KSR1: variants seen among roughly 807,000 people sequenced by gnomAD.
KSR1 encodes kinase suppressor of ras.
In KSR1, 35 loss-of-function variants were observed where a neutral mutation model predicts 92.9. That is an observed-to-expected ratio of 0.38 (90% confidence interval 0.29 to 0.50). The LOEUF (loss-of-function observed/expected upper bound fraction) is 0.50, where lower values mean the gene tolerates loss of function less well. Ranked by LOEUF, KSR1 falls within the 20% of genes least tolerant of loss-of-function variation. The pLI is 0.94. For synonymous variants in KSR1, 467 were observed against 472.6 expected (o/e 0.99, Z 0.15); for missense variants, 972 against 1,158.5 (o/e 0.84, Z 2.34).
chr17:27,601,872 C>T lies in KSR1; in HGVS notation c.1510+471C>T, dbSNP rs561649635. ...CGGGCTTCTCTTAGTGGGCTTCACC[C>T]TTCTGTGCCTTACCACACAGTGCCA... is the stretch of plus-strand genomic sequence containing the variant. On this transcript the variant is annotated intron_variant, in intron 11 of 20. Coordinates refer to ENST00000644974, the MANE Select transcript of KSR1 (RefSeq NM_001394583.1). The T allele has an allele frequency of 3.4e-5, 55 of 1,597,174 alleles. No homozygotes were observed. The South Asian group carries it at 5.7e-4, about 16-fold the overall frequency.
chr17:27,605,450 C>T lies in KSR1; in HGVS notation c.1631C>T (p.Ala544Val), dbSNP rs2073717543. The T allele has an allele frequency of 1.2e-6, 2 of 1,609,818 alleles. No individual in the cohort carries two copies. Among genetic ancestry groups the T allele is most frequent in the African/African-American group, 1.3e-5 (1 of 74,880 alleles). ...AHEAEAEEPE[A>V]GKSEAEDDED... The stretch of plus-strand genomic sequence containing the variant: ...TCCTTTCAGGCTGAGGAGCCAGAGG[C>T]TGGCAAGTCAGAGGCAGAAGACGAT... Residue 544 changes from alanine (A) to valine (V), a missense_variant, in exon 14 of 21, where the codon GCT becomes GTT. Physicochemically the swap from Ala to Val is moderately conservative, Grantham distance 64 (BLOSUM62 0). Coordinates refer to ENST00000644974, the MANE Select transcript of KSR1 (RefSeq NM_001394583.1).
intron 12 of KSR1, among the ~76,000 whole-genome samples, chr17:27,604,092 C>T (rs756314237): frequency 3.9e-4 from 59 of 152,032 alleles, no homozygotes; most frequent in Admixed American, 2.4e-3. Flanking sequence ...TGGGTGGGGC[C>T]GCATGTGAAA....
chr17:27,594,482 C>A lies in KSR1; in HGVS notation c.1299+1856C>A, dbSNP rs567821163. ...ATCTCCACCCACCTGGACACCACCC[C>A]TCAGCCCTCCTCACAGCACTCTCTC... On this transcript the variant is annotated intron_variant, in intron 9 of 20. Transcript: ENST00000644974. 3.3e-5 allele frequency among the ~76,000 whole-genome samples: 5 copies of A among 152,194 alleles called. No homozygotes were observed. The East Asian group carries it at 5.8e-4, about 18-fold the overall frequency.
At chr17:27,588,302 C>T (rs2073042658) in intron 5 of KSR1, 173 bp from the exon 6 acceptor site, 4 of 461,472 alleles carry the variant, frequency 8.7e-6, no homozygotes, top group African/African-American at 2.0e-5. Flanking sequence ...CCACACCATG[C>T]CACTGGGCTA....
chr17:27,461,939 C>T (rs945915565), intron 1 of KSR1, among the ~76,000 whole-genome samples: 4 of 129,478 alleles, frequency 3.1e-5, no homozygotes, highest in African/African-American at 1.1e-4. Flanking sequence ...CGGGGAGAAG[C>T]AGCAAAGCCT....
At chr17:27,485,180 T>C (rs1046349820) in intron 1 of KSR1, among the ~76,000 whole-genome samples, 2 of 152,216 alleles carry the variant, frequency 1.3e-5, no homozygotes, top group African/African-American at 4.8e-5. Context: ...ATGCCCACCC[T>C]GGACTGTTCT....
Position 27,555,511 on chromosome 17 carries a change from CGTGTGTGTGT to C in KSR1, c.372+4820_372+4829del, listed in dbSNP as rs71359222. ...TTGCCCATCCTTCAGTTTTGTTTGGCGTGTGTGTGTGTGTGTGTGTGTGTGTAGCACTTCC... is the reference window on the plus strand; with the variant it reads ...TTGCCCATCCTTCAGTTTTGTTTGGCGTGTGTGTGTGTGTGTAGCACTTCC... On this transcript the variant is annotated intron_variant, in intron 2 of 20. Coordinates refer to ENST00000644974, the MANE Select transcript of KSR1 (RefSeq NM_001394583.1). Among the ~76,000 whole-genome samples, 605 of 150,202 alleles carry C rather than the reference CGTGTGTGTGT, an allele frequency of 4.0e-3. 5 individuals carry two copies. The highest frequency in any genetic ancestry group is 0.013 in the African/African-American group (539 of 40,762).
At chr17:27,566,296 A>G (rs2151127522) in intron 2 of KSR1, 1 of 392,644 alleles carries the variant, frequency 2.5e-6, no homozygotes, top group Non-Finnish European at 4.5e-6. Flanking sequence ...CCCGGGAAGT[A>G]TGTGCTGACT....
chr17:27,568,059 G>T (rs2072156837), intron 2 of KSR1, among the ~76,000 whole-genome samples: 1 of 152,216 alleles, frequency 6.6e-6, no homozygotes, highest in Admixed American at 6.5e-5. Context: ...CTCTGTTGAG[G>T]TCCCATAGCT....
chr17:27,539,775 A>G (rs1263101840), intron 1 of KSR1, among the ~76,000 whole-genome samples: 1 of 152,230 alleles, frequency 6.6e-6, no homozygotes, highest in East Asian at 1.9e-4. Flanking sequence ...GGGGGGTTAC[A>G]TCAATTGAGG....
chr17:27,555,056 C>CCT (rs2071539585), intron 2 of KSR1, among the ~76,000 whole-genome samples: 1 of 152,176 alleles, frequency 6.6e-6, no homozygotes, highest in South Asian at 2.1e-4. Flanking sequence ...CCTTTACTGT[C>CCT]CTCTCTCTTT....
intron 1 of KSR1, among the ~76,000 whole-genome samples, chr17:27,505,793 T>A (rs2069358149): frequency 6.6e-6 from 1 of 152,246 alleles, no homozygotes; most frequent in Non-Finnish European, 1.5e-5. Context: ...GGTATTGGTG[T>A]CACCAAGGGG....
In KSR1 at chr17:27,626,213, C is replaced by T. The variant is rs2074336972; in HGVS notation, c.*2821C>T. 6.6e-6 allele frequency: 1 copy of T among 152,226 alleles called. No individual in the cohort carries two copies. The highest frequency in any genetic ancestry group is 1.5e-5 in the Non-Finnish European group (1 of 68,048). The allele number at this position is 152,226 out of a possible 1,614,324, so 9.4% of individuals were successfully genotyped here. ...CCTAGCATCTTCTGTGGCCACAAGC[C>T]ACACACTTGCTTTTTTTGAATGTGA... is the stretch of plus-strand genomic sequence containing the variant. On this transcript the variant is annotated 3_prime_UTR_variant, in exon 21 of 21. Coordinates refer to ENST00000644974, the MANE Select transcript of KSR1 (RefSeq NM_001394583.1).
intron 10 of KSR1, among the ~76,000 whole-genome samples, chr17:27,601,126 C>T (rs1036382236): frequency 4.6e-5 from 7 of 152,334 alleles, no homozygotes; most frequent in East Asian, 1.9e-4. Flanking sequence ...TTGGAATGCC[C>T]AATCCTCCAG....
intron 2 of KSR1, chr17:27,560,516 C>T (rs2071786051): frequency 1.9e-6 from 1 of 517,980 alleles, no homozygotes; most frequent in South Asian, 1.4e-5. Context: ...TCTCCTCTAC[C>T]CTTGCGTTCC....
intron 1 of KSR1, among the ~76,000 whole-genome samples, chr17:27,505,747 A>C (rs2069356515): frequency 6.6e-6 from 1 of 152,208 alleles, no homozygotes; most frequent in African/African-American, 2.4e-5. Flanking sequence ...GTTTGCTGTT[A>C]ATATTTTTTG....
intron 18 of KSR1, among the ~76,000 whole-genome samples, chr17:27,616,756 G>A (rs2074067965): frequency 6.6e-6 from 1 of 152,216 alleles, no homozygotes; most frequent in Admixed American, 6.5e-5. Context: ...GATCCTGAGA[G>A]TAGGCAGCAA....
At chr17:27,480,599 T>C (rs1036578681) in intron 1 of KSR1, among the ~76,000 whole-genome samples, 1 of 152,196 alleles carries the variant, frequency 6.6e-6, no homozygotes, top group Non-Finnish European at 1.5e-5. Flanking sequence ...TGTTTCTTCA[T>C]GTTGGCCAGA....
At chr17:27,600,203 G>A (rs2073505096) in intron 10 of KSR1, among the ~76,000 whole-genome samples, 2 of 149,136 alleles carry the variant, frequency 1.3e-5, no homozygotes, top group Non-Finnish European at 1.5e-5. Flanking sequence ...GGGAGGCCAA[G>A]GTGGGCGGAT....
Sources: gnomAD v4.1 joint callset for allele counts (sites outside exome capture counted in the v4.1 genomes callset) on GRCh38, gnomAD v4.1.1 for gene constraint, MANE v1.5 for transcripts, NCBI Gene and HGNC (gene_info 2026-07-23, HGNC 2026-07-21) for gene names.